The following SHC2 variants were observed in gnomAD, a reference collection of about 807,000 sequenced individuals.
SHC2 encodes SHC adaptor protein 2.
Under a neutral mutation model 60.6 loss-of-function variants are expected in SHC2, and 62 were observed. The ratio of observed to expected loss-of-function variants is 1.02; its 90% CI spans 0.83 to 1.26. The LOEUF (loss-of-function observed/expected upper bound fraction) is 1.26, where lower values mean the gene tolerates loss of function less well. Among genes scored for constraint, SHC2 ranks in the 50% most tolerant of loss-of-function variants. The probability of loss-of-function intolerance (pLI) is 0.00; values close to 1 mark genes in which losing one functional copy is unlikely to be tolerated. For missense variants in SHC2, 873 were observed against 822.2 expected (o/e 1.06, Z -0.76); for synonymous variants, 375 against 372.4 (o/e 1.01, Z -0.08).
chr19:418,230 A>G (rs1054093615), intron 12 of SHC2, among the ~76,000 whole-genome samples: 18 of 152,042 alleles, frequency 1.2e-4, no homozygotes, highest in African/African-American at 3.6e-4. Flanking sequence ...GTCCCAGCCC[A>G]CCGTCCTCTC....
At chr19:430,814 G>A (rs1054905726) in intron 8 of SHC2, 67 bp from the exon 9 acceptor site, 204 of 1,477,300 alleles carry the variant, frequency 1.4e-4, no homozygotes, top group Non-Finnish European at 1.7e-4. Flanking sequence ...TGGACCCCCA[G>A]TCTCCCCGCC....
intron 1 of SHC2, among the ~76,000 whole-genome samples, chr19:450,733 G>A (rs1975162471): frequency 6.7e-6 from 1 of 149,374 alleles, no homozygotes; most frequent in Non-Finnish European, 1.5e-5. Context: ...ATCCACTCAT[G>A]CCTGGGTCAC....
rs528445737 is a variant in SHC2, at chr19:424,267, G to A, written c.1309+830C>T. Among the ~76,000 whole-genome samples the A allele has an allele frequency of 1.6e-4, 24 of 152,270 alleles. No individual in the cohort carries two copies. The highest frequency in any genetic ancestry group is 3.6e-4 in the African/African-American group (15 of 41,568). ...GGCTCCCTCGGGCTGGGTCATCCAC[G>A]GGGAAGGAAGGAACGGGCTCACCGT... On this transcript the variant is annotated intron_variant, in intron 10 of 12. Coordinates refer to ENST00000264554, the MANE Select transcript of SHC2 (RefSeq NM_012435.3). The surrounding 1 kb of genome is among the most constrained non-coding windows in gnomAD (Gnocchi z 4.5).
At position 429,373 on chromosome 19, in the gene SHC2, C is replaced by T. The variant is rs555010681; in HGVS notation, c.1174+1311G>A. The stretch of plus-strand genomic sequence containing the variant: ...CCCAACACGCACGGAAACCTAACAC[C>T]GTGTGGATGACGCAGTACCTATATC... On this transcript the variant is annotated intron_variant, in intron 9 of 12. Transcript: ENST00000264554. Among the ~76,000 whole-genome samples the T allele has an allele frequency of 1.7e-3, 247 of 147,916 alleles. 1 individual carries two copies. The highest frequency in any genetic ancestry group is 5.5e-3 in the South Asian group (25 of 4,580).
rs1288169632 is a variant in SHC2, at chr19:424,643, G to A, written c.1309+454C>T. 6.6e-6 allele frequency among the ~76,000 whole-genome samples: 1 copy of A among 152,214 alleles called. No homozygotes were observed. ...CCCACCACACTGACCATTCTTTCAA[G>A]GAATGACGAACCTCCTCCCTTCAGA... On this transcript the variant is annotated intron_variant, in intron 10 of 12. Transcript: ENST00000264554. This position sits in a 1 kb window ranked among gnomAD's most constrained non-coding sequence, Gnocchi z 4.5.
intron 1 of SHC2, among the ~76,000 whole-genome samples, chr19:450,615 A>G (rs540385080): frequency 6.6e-6 from 1 of 152,272 alleles, no homozygotes; most frequent in South Asian, 2.1e-4. Flanking sequence ...GGAGTCTCTC[A>G]CCGAGTGAGA....
In SHC2 at chr19:425,151, C is replaced by T; in HGVS notation, c.1255G>A (p.Gly419Ser). 7.2e-7 allele frequency: 1 copy of T among 1,384,392 alleles called. No individual in the cohort carries two copies. 85.8% of individuals were successfully genotyped at this position (1,384,392 alleles called of 1,614,324 possible). A position where few individuals can be genotyped will look rare whatever the true frequency, so the allele number is the denominator to read the frequency against. Reference protein sequence around the residue: ...HEEHLYVNTQGLDAPEPEDSP... With the variant: ...HEEHLYVNTQSLDAPEPEDSP... ...TCCTCCGGCTCGGGGGCGTCCAGAC[C>T]CTGGGTGTTGACATACAGGTGCTCC... Residue 419 changes from glycine (G) to serine (S), a missense_variant, in exon 10 of 13, where the codon GGT (glycine) becomes AGT (serine). Gly to Ser is a moderately conservative substitution (Grantham distance 56, BLOSUM62 0). Transcript: ENST00000264554. The surrounding 1 kb of genome is among the most constrained non-coding windows in gnomAD (Gnocchi z 4.1).
chr19:424,230 C>T lies in SHC2; in HGVS notation c.1309+867G>A, dbSNP rs140749255. Reference sequence around the variant, plus strand: ...CAGCCAAGGAAGGACAAGCCTCCTCCGCCCGGCTGGGGGCTCCCTCGGGCT... The same window carrying T: ...CAGCCAAGGAAGGACAAGCCTCCTCTGCCCGGCTGGGGGCTCCCTCGGGCT... On this transcript the variant is annotated intron_variant, in intron 10 of 12. Transcript: ENST00000264554. The surrounding 1 kb of genome is among the most constrained non-coding windows in gnomAD (Gnocchi z 4.5). Among the ~76,000 whole-genome samples, 641 of 152,274 alleles carry T rather than the reference C, an allele frequency of 4.2e-3. 5 individuals are homozygous for T. Among genetic ancestry groups the T allele is most frequent in the Non-Finnish European group, 7.4e-3 (500 of 68,012 alleles).
chr19:438,884 G>A lies in SHC2; in HGVS notation c.601-47C>T, dbSNP rs1323242641. ...GCGAGGGCGGCTGTGGGTGGGGGCT[G>A]TCGAGGGGCTCCCAGGATGGCCGCA... On this transcript the variant is annotated intron_variant, in intron 3 of 12. Transcript: ENST00000264554. The surrounding 1 kb of genome is among the most constrained non-coding windows in gnomAD (Gnocchi z 5.0). 1.3e-6 allele frequency: 2 copies of A among 1,552,440 alleles called. No homozygotes were observed. The highest frequency in any genetic ancestry group is 1.2e-5 in the South Asian group (1 of 84,410).
intron 1 of SHC2, among the ~76,000 whole-genome samples, chr19:457,347 A>AAACCCCACCGCATCG (rs1975372175): frequency 4.8e-4 from 51 of 105,592 alleles, no homozygotes; most frequent in African/African-American, 9.7e-4. Flanking sequence ...CCACCATATC[A>AAACCCCACCGCATCG]GGCCTTTGCA....
Position 434,809 on chromosome 19 carries a change from T to C in SHC2, c.1010A>G (p.Asn337Ser). The C allele has an allele frequency of 6.2e-7, 1 of 1,612,906 alleles. No homozygotes were observed. The highest frequency in any genetic ancestry group is 8.5e-7 in the Non-Finnish European group (1 of 1,179,806). Residue 337 changes from asparagine to serine, a missense_variant, in exon 8 of 13, where the codon AAT becomes AGT. Asn to Ser is a conservative substitution (Grantham distance 46, BLOSUM62 1). Transcript: ENST00000264554. ...CTTCCCCGGGATGCTGTTGTAGTAA[T>C]TGTGCTCCAAAGAGTCCTCCTCGTC... ...WGDEEDSLEH[N>S]YYNSIPGKEP...
chr19:424,488 A>T lies in SHC2; in HGVS notation c.1309+609T>A, dbSNP rs1974359166. The stretch of plus-strand genomic sequence containing the variant: ...AGCGTGCAAGACCAGCGGGCCAGGC[A>T]GTCGTCCCAGCAGGCCGGGATTCCC... On this transcript the variant is annotated intron_variant, in intron 10 of 12. Transcript: ENST00000264554. The surrounding 1 kb of genome is among the most constrained non-coding windows in gnomAD (Gnocchi z 4.5). Among the ~76,000 whole-genome samples the T allele has an allele frequency of 6.6e-6, 1 of 152,142 alleles. No individual in the cohort carries two copies. Among genetic ancestry groups the T allele is most frequent in the African/African-American group, 2.4e-5 (1 of 41,452 alleles).
intron 1 of SHC2, among the ~76,000 whole-genome samples, chr19:454,211 C>T (rs1038963559): frequency 2.6e-5 from 4 of 152,192 alleles, no homozygotes; most frequent in East Asian, 1.9e-4. Context: ...GAGGCCCAGC[C>T]GCCCATGTGA....
Position 424,421 on chromosome 19 carries a change from C to T in SHC2, c.1309+676G>A, listed in dbSNP as rs1456784890. Among the ~76,000 whole-genome samples the T allele has an allele frequency of 2.0e-5, 3 of 152,058 alleles. No homozygotes were observed. Among genetic ancestry groups the T allele is most frequent in the Admixed American group, 6.5e-5 (1 of 15,278 alleles). ...AGGAAGAATCCTCAGACCCCGGAGTCACGTGAAGAGAAAACTCATCAGACT... is the reference window on the plus strand; with the variant it reads ...AGGAAGAATCCTCAGACCCCGGAGTTACGTGAAGAGAAAACTCATCAGACT... On this transcript the variant is annotated intron_variant, in intron 10 of 12. Coordinates refer to ENST00000264554, the MANE Select transcript of SHC2 (RefSeq NM_012435.3). The surrounding 1 kb of genome is among the most constrained non-coding windows in gnomAD (Gnocchi z 4.5).
intron 1 of SHC2, among the ~76,000 whole-genome samples, chr19:457,971 G>A (rs1975397382): frequency 7.2e-6 from 1 of 138,834 alleles, no homozygotes; most frequent in Non-Finnish European, 1.5e-5. Flanking sequence ...GCGGAAGCGG[G>A]TCCTGGGGAG....
At chr19:417,437 C>T (rs904502776) in intron 12 of SHC2, 115 bp from the exon 13 acceptor site, 8 of 152,384 alleles carry the variant, frequency 5.2e-5, no homozygotes, top group African/African-American at 1.9e-4. Flanking sequence ...TGCCACACCT[C>T]AGGTCCAGCC....
In SHC2 at chr19:424,759, G is replaced by A. The variant is rs1974366758; in HGVS notation, c.1309+338C>T. On this transcript the variant is annotated intron_variant, in intron 10 of 12. Coordinates refer to ENST00000264554, the MANE Select transcript of SHC2 (RefSeq NM_012435.3). The surrounding 1 kb of genome is among the most constrained non-coding windows in gnomAD (Gnocchi z 4.5). ...CCAGCGGCATTCCCAACCAGACTGG[G>A]GGTTCAGCAGGGAGGCCCCGGGAGA... 1.3e-5 allele frequency among the ~76,000 whole-genome samples: 2 copies of A among 152,160 alleles called. No homozygotes were observed. The highest frequency in any genetic ancestry group is 2.9e-5 in the Non-Finnish European group (2 of 68,012).
Position 436,383 on chromosome 19 carries a change from T to C in SHC2, c.823A>G (p.Arg275Gly). ...CCGGCCTCCCCGGGGGCCTCACCTC[T>C]CTGGTTGATGGGGTCCTTGGCGACG... Reference protein sequence around the residue: ...AYVAKDPINQRACHILECCEG... With the variant: ...AYVAKDPINQGACHILECCEG... The change falls in exon 6 of 13, where the codon AGA becomes GGA. Residue 275 changes from arginine to glycine, a missense_variant. Coordinates refer to ENST00000264554, the MANE Select transcript of SHC2 (RefSeq NM_012435.3). 1.3e-6 allele frequency: 2 copies of C among 1,593,908 alleles called. No individual in the cohort carries two copies. Among genetic ancestry groups the C allele is most frequent in the Non-Finnish European group, 1.7e-6 (2 of 1,167,006 alleles).
At chr19:442,136 A>G (rs1282834912) in intron 1 of SHC2, among the ~76,000 whole-genome samples, 1 of 152,200 alleles carries the variant, frequency 6.6e-6, no homozygotes, top group Admixed American at 6.5e-5. Context: ...TGGACTAAGC[A>G]GCCTCACCTC....
Sources: gnomAD v4.1 joint callset for allele counts (sites outside exome capture counted in the v4.1 genomes callset) on GRCh38, gnomAD v4.1.1 for gene constraint, Gnocchi (gnomAD v3.1) non-coding constraint, MANE v1.5 for transcripts, NCBI Gene and HGNC (gene_info 2026-07-23, HGNC 2026-07-21) for gene names.